The following CDC5L variants were observed in gnomAD, a reference collection of about 807,000 sequenced individuals.
CDC5L encodes cell division cycle 5-like protein.
Under a neutral mutation model 104.1 loss-of-function variants are expected in CDC5L, and 18 were observed. The observed-to-expected ratio is 0.17, with a 90% CI of 0.12 to 0.26. CDC5L has a LOEUF of 0.26. Among genes scored for constraint, CDC5L ranks in the 10% least tolerant of loss-of-function variants. CDC5L has a pLI of 1.00. For synonymous variants in CDC5L, 331 were observed against 322.7 expected, an observed-to-expected ratio of 1.03 and a Z score of -0.28; for missense variants, 673 against 956.9, an observed-to-expected ratio of 0.70 and a Z score of 3.91.
chr6:44,422,718 C>T lies in CDC5L; in HGVS notation c.1313C>T (p.Thr438Ile), dbSNP rs367907576. The T allele has an allele frequency of 1.1e-5, 17 of 1,612,826 alleles. No individual in the cohort carries two copies. Among genetic ancestry groups the T allele is most frequent in the East Asian group, 2.2e-5 (1 of 44,864 alleles). Residue 438 changes from threonine (T) to isoleucine (I), a missense_variant, in exon 10 of 16, where the codon ACT (threonine) becomes ATT (isoleucine). Physicochemically the swap from Thr to Ile is moderately conservative, Grantham distance 89 (BLOSUM62 -1). Transcript: ENST00000371477. Reference sequence around the variant, plus strand: ...ACTCCCAAACCAGTTATTAACTCTACTCCGGGTAGAACTCCTCTTCGAGAC... The same window carrying T: ...ACTCCCAAACCAGTTATTAACTCTATTCCGGGTAGAACTCCTCTTCGAGAC... ...GTTPKPVINS[T>I]PGRTPLRDKL...
intron 14 of CDC5L, among the ~76,000 whole-genome samples, chr6:44,445,132 ATC>A (rs1793389165): frequency 6.6e-6 from 1 of 152,134 alleles, no homozygotes; most frequent in African/African-American, 2.4e-5. Flanking sequence ...GATTAAAAGT[ATC>A]TCTCTTGTTC....
chr6:44,421,112 C>T (rs1291054658), intron 9 of CDC5L, among the ~76,000 whole-genome samples: 2 of 152,188 alleles, frequency 1.3e-5, no homozygotes, highest in Non-Finnish European at 2.9e-5. Context: ...CATATACCCA[C>T]CACTTAGATT....
At chr6:44,392,593 A>AG in intron 2 of CDC5L, 74 bp from the exon 3 acceptor site, 1 of 1,307,990 alleles carries the variant, frequency 7.6e-7, no homozygotes, top group Non-Finnish European at 1.1e-6. Context: ...AGCACAAGTC[A>AG]GTGTATCCAT....
intron 8 of CDC5L, among the ~76,000 whole-genome samples, chr6:44,414,212 T>C (rs1791798339): frequency 6.6e-6 from 1 of 152,156 alleles, no homozygotes; most frequent in African/African-American, 2.4e-5. Context: ...CTCAAGTTGC[T>C]GGGACTACAG....
chr6:44,398,975 A>AT (rs889545886), intron 5 of CDC5L, among the ~76,000 whole-genome samples: 1 of 152,060 alleles, frequency 6.6e-6, no homozygotes, highest in African/African-American at 2.4e-5. Context: ...GTTAATTTTA[A>AT]TTTTTTTTAA....
At chr6:44,407,560 C>A (rs965135398) in intron 7 of CDC5L, among the ~76,000 whole-genome samples, 2 of 152,158 alleles carry the variant, frequency 1.3e-5, no homozygotes, top group Non-Finnish European at 2.9e-5. Flanking sequence ...TTCTTGACTT[C>A]GTGAGCTACC....
At position 44,387,749 on chromosome 6, in the gene CDC5L, G is replaced by C; in HGVS notation, c.-75G>C. 1 of 1,341,432 alleles carries C rather than the reference G, an allele frequency of 7.5e-7. No homozygotes were observed. The highest frequency in any genetic ancestry group is 1.0e-6 in the Non-Finnish European group (1 of 958,948). 83.1% of individuals were successfully genotyped at this position (1,341,432 alleles called of 1,614,324 possible). A position where few individuals can be genotyped will look rare whatever the true frequency, so the allele number is the denominator to read the frequency against. On this transcript the variant is annotated 5_prime_UTR_variant, in exon 1 of 16. Coordinates refer to ENST00000371477, the MANE Select transcript of CDC5L (RefSeq NM_001253.4). ...CGCTTGGAGGAAGTGGCGGCTTTGA[G>C]TCCGGTGGCCCAATCGCTGTTACTA... is the stretch of plus-strand genomic sequence containing the variant.
chr6:44,398,838 GTATA>G (rs1790990893), intron 5 of CDC5L, among the ~76,000 whole-genome samples: 1 of 152,132 alleles, frequency 6.6e-6, no homozygotes, highest in Admixed American at 6.5e-5. Flanking sequence ...GCATTTATGT[GTATA>G]TATGTACACT....
chr6:44,416,902 A>G (rs777215880), intron 8 of CDC5L, among the ~76,000 whole-genome samples: 1 of 152,180 alleles, frequency 6.6e-6, no homozygotes, highest in Non-Finnish European at 1.5e-5. Context: ...TTTCTAGTAA[A>G]TGCTTTATAT....
In CDC5L at chr6:44,429,826, A is replaced by G. The variant is rs147396843; in HGVS notation, c.2007A>G (p.Leu669=). ...GGGAAGAATGCTACAGTCAAGTTTT[A>G]TATCTTCCTGGGCAGAGCCGCTACA... The part of the protein sequence containing the change: ...QVWEECYSQV[L]YLPGQSRYTR... Residue 669 remains leucine (L), a synonymous_variant, in exon 14 of 16, where the codon TTA becomes TTG. Coordinates refer to ENST00000371477, the MANE Select transcript of CDC5L (RefSeq NM_001253.4). 6.2e-6 allele frequency: 10 copies of G among 1,613,992 alleles called. No individual in the cohort carries two copies. In the African/African-American group the frequency reaches 6.7e-5, roughly 11 times the overall value.
intron 6 of CDC5L, among the ~76,000 whole-genome samples, chr6:44,405,761 T>TA (rs1255070646): frequency 3.9e-5 from 6 of 152,222 alleles, no homozygotes; most frequent in African/African-American, 1.4e-4. Flanking sequence ...TCTTCATACT[T>TA]ACATGTTTTA....
chr6:44,446,693 T>TAAA lies in CDC5L; in HGVS notation c.2391_2392insAAA (p.Thr797_Leu798insLys). The stretch of plus-strand genomic sequence containing the variant: ...CTGATTTGCTGCTGGAGAAAGAGAC[T>TAAA]TTAAAGTCAAAATTCTGAAGTACAG... On this transcript the variant is annotated inframe_insertion, in exon 16 of 16. Coordinates refer to ENST00000371477, the MANE Select transcript of CDC5L (RefSeq NM_001253.4). The TAAA allele has an allele frequency of 6.4e-7, 1 of 1,556,796 alleles. No homozygotes were observed. Among genetic ancestry groups the TAAA allele is most frequent in the South Asian group, 1.2e-5 (1 of 85,544 alleles).
chr6:44,417,508 C>T (rs1024701064), intron 8 of CDC5L, among the ~76,000 whole-genome samples: 3 of 151,918 alleles, frequency 2.0e-5, no homozygotes, highest in Non-Finnish European at 4.4e-5. Flanking sequence ...GAACATAGAC[C>T]CTACCTCTTG....
chr6:44,388,315 G>A (rs910224402), intron 1 of CDC5L, among the ~76,000 whole-genome samples: 1 of 152,062 alleles, frequency 6.6e-6, no homozygotes, highest in African/African-American at 2.4e-5. Flanking sequence ...TGACTTCCTT[G>A]CAGAGGGGAA....
chr6:44,407,373 C>T (rs984166181), intron 7 of CDC5L, among the ~76,000 whole-genome samples: 4 of 150,756 alleles, frequency 2.7e-5, no homozygotes, highest in Non-Finnish European at 4.4e-5. Flanking sequence ...TGTCGCCAGG[C>T]TGGAGTACCG....
intron 7 of CDC5L, 22 bp downstream of exon 7, chr6:44,406,489 T>C: frequency 1.3e-6 from 2 of 1,590,878 alleles, no homozygotes; most frequent in Non-Finnish European, 1.7e-6. Context: ...AAAGCAAATT[T>C]TTCACTATGT....
intron 5 of CDC5L, 122 bp from the exon 6 acceptor site, chr6:44,403,682 TGTGAG>T (rs1791236190): frequency 3.0e-6 from 2 of 660,462 alleles, no homozygotes; most frequent in Middle Eastern, 4.1e-4. Flanking sequence ...TGGTGAATGG[TGTGAG>T]GTAAGGATTT....
At chr6:44,408,867 C>G (rs1307361445) in intron 8 of CDC5L, among the ~76,000 whole-genome samples, 1 of 152,172 alleles carries the variant, frequency 6.6e-6, no homozygotes, top group Non-Finnish European at 1.5e-5. Flanking sequence ...GCCAGCCCTT[C>G]TACCTTCATT....
chr6:44,390,411 T>C (rs771738900), intron 2 of CDC5L, 40 bp downstream of exon 2: 3 of 1,212,002 alleles, frequency 2.5e-6, no homozygotes, highest in Non-Finnish European at 3.6e-6. Flanking sequence ...GAAAAGGAGC[T>C]TAATTATGAT....
Sources: allele counts gnomAD v4.1 joint callset (sites outside exome capture counted in the v4.1 genomes callset), GRCh38; gene constraint gnomAD v4.1.1; transcripts MANE v1.5; gene names NCBI Gene and HGNC (gene_info 2026-07-23, HGNC 2026-07-21).